Variants in DAB1 observed in about 807,000 individuals in gnomAD.
DAB1 encodes the protein DAB adaptor protein 1.
A neutral mutation model predicts 64.6 loss-of-function variants in DAB1; 15 were observed. The ratio of observed to expected loss-of-function variants is 0.23; its 90% CI spans 0.16 to 0.36. DAB1 has a LOEUF of 0.36. DAB1 is among the 10% of genes least tolerant of loss of function. DAB1 has a pLI of 1.00. For missense variants in DAB1, 596 were observed against 706.7 expected (o/e 0.84, Z 1.78); for synonymous variants, 235 against 251.9 (o/e 0.93, Z 0.64).
intron 6 of DAB1, among the ~76,000 whole-genome samples, chr1:57,733,039 AGTTCT>A (rs1449702947): frequency 2.6e-5 from 4 of 152,294 alleles, no homozygotes; most frequent in Non-Finnish European, 5.9e-5. Flanking sequence ...CTTTCCAACA[AGTTCT>A]AATCTTGTCA....
intron 7 of DAB1, among the ~76,000 whole-genome samples, chr1:57,453,022 G>A (rs1295512464): frequency 6.6e-6 from 1 of 150,800 alleles, no homozygotes; most frequent in Non-Finnish European, 1.5e-5. Context: ...GGGAGGGAAG[G>A]AGAGAAGGAA....
At chr1:58,514,633 T>C (rs17117624) in intron 2 of DAB1, among the ~76,000 whole-genome samples, 1 of 152,124 alleles carries the variant, frequency 6.6e-6, no homozygotes, top group Non-Finnish European at 1.5e-5. Context: ...AGACATGTGA[T>C]AGGTAAAATA....
chr1:58,471,235 C>A (rs2100330308), intron 3 of DAB1, among the ~76,000 whole-genome samples: 1 of 152,272 alleles, frequency 6.6e-6, no homozygotes, highest in East Asian at 1.9e-4. Flanking sequence ...GCCATGATAT[C>A]TTGACACAAC....
intron 2 of DAB1, among the ~76,000 whole-genome samples, chr1:58,523,281 C>T (rs1184066014): frequency 3.9e-5 from 6 of 152,148 alleles, no homozygotes; most frequent in Admixed American, 2.6e-4. Flanking sequence ...TGTGTGGTCA[C>T]GCACAACATC....
intron 6 of DAB1, among the ~76,000 whole-genome samples, chr1:57,739,946 G>A (rs1224066095): frequency 1.3e-5 from 2 of 151,038 alleles, no homozygotes; most frequent in African/African-American, 2.4e-5. Context: ...TGTAATCCTA[G>A]CACCTTGGGA....
intron 6 of DAB1, among the ~76,000 whole-genome samples, chr1:57,743,384 T>C (rs910309488): frequency 3.3e-5 from 5 of 152,218 alleles, no homozygotes; most frequent in Admixed American, 6.5e-5. Context: ...CACCCCTGCC[T>C]GCAAAACATT....
intron 7 of DAB1, among the ~76,000 whole-genome samples, chr1:57,528,637 G>GACAGACAC (rs1553190963): frequency 9.0e-5 from 2 of 22,132 alleles, no homozygotes; most frequent in African/African-American, 1.1e-4. Flanking sequence ...AAAGCAGCAG[G>GACAGACAC]ACACACACAC....
chr1:58,422,083 C>T (rs1466435945), intron 3 of DAB1, among the ~76,000 whole-genome samples: 1 of 151,930 alleles, frequency 6.6e-6, no homozygotes, highest in African/African-American at 2.4e-5. Context: ...GTTAAATAAC[C>T]TTGGCACTAG....
intron 2 of DAB1, among the ~76,000 whole-genome samples, chr1:57,254,826 A>G (rs1228798203): frequency 1.3e-5 from 2 of 152,120 alleles, no homozygotes; most frequent in Non-Finnish European, 2.9e-5. Context: ...CCTCCAATAA[A>G]TAATGTTTCT....
intron 5 of DAB1, among the ~76,000 whole-genome samples, chr1:57,925,135 A>G (rs764939808): frequency 6.6e-6 from 1 of 152,312 alleles, no homozygotes; most frequent in South Asian, 2.1e-4. Context: ...ACTAGCAGTC[A>G]TTCTGTCTCT....
intron 7 of DAB1, among the ~76,000 whole-genome samples, chr1:57,557,417 T>G (rs954164111): frequency 6.6e-6 from 1 of 152,112 alleles, no homozygotes; most frequent in East Asian, 1.9e-4. Flanking sequence ...CTTATATATA[T>G]ATACACACAC....
chr1:58,304,678 G>A (rs1457436657), intron 4 of DAB1, among the ~76,000 whole-genome samples: 1 of 152,128 alleles, frequency 6.6e-6, no homozygotes, highest in Non-Finnish European at 1.5e-5. Context: ...CTGCTCTACA[G>A]AAAAGCTGTA....
At chr1:57,816,776 T>C (rs1241537624) in intron 6 of DAB1, among the ~76,000 whole-genome samples, 1 of 152,216 alleles carries the variant, frequency 6.6e-6, no homozygotes, top group African/African-American at 2.4e-5. Flanking sequence ...ACGTCTGGCC[T>C]ACCACTCTGT....
chr1:57,254,098 A>AC (rs2100531087), intron 2 of DAB1, among the ~76,000 whole-genome samples: 1 of 152,326 alleles, frequency 6.6e-6, no homozygotes, highest in East Asian at 1.9e-4. Flanking sequence ...TGCTGAAGGA[A>AC]CCATGCCACT....
chr1:57,545,644 T>C (rs1334583789), intron 7 of DAB1, among the ~76,000 whole-genome samples: 1 of 152,214 alleles, frequency 6.6e-6, no homozygotes, highest in Non-Finnish European at 1.5e-5. Context: ...ATAAGTCATC[T>C]AGTTACTTTC....
At chr1:57,137,248 A>G (rs1658206660) in intron 3 of DAB1, among the ~76,000 whole-genome samples, 1 of 151,784 alleles carries the variant, frequency 6.6e-6, no homozygotes, top group South Asian at 2.1e-4. Context: ...TCCATTTATC[A>G]AAAAAACTGT....
At chr1:57,740,047 A>T (rs1046637009) in intron 6 of DAB1, among the ~76,000 whole-genome samples, 1 of 41,662 alleles carries the variant, frequency 2.4e-5, no homozygotes, top group Non-Finnish European at 4.2e-5. Flanking sequence ...CTACTACTAC[A>T]AAAAAAAAAA....
intron 6 of DAB1, among the ~76,000 whole-genome samples, chr1:57,687,577 T>C (rs1294211189): frequency 1.4e-5 from 1 of 71,100 alleles, no homozygotes; most frequent in Non-Finnish European, 2.8e-5. Context: ...AAAACCTGAA[T>C]ATCGAAAGTA....
chr1:57,288,590 G>C (rs1383999575), intron 2 of DAB1, among the ~76,000 whole-genome samples: 1 of 152,148 alleles, frequency 6.6e-6, no homozygotes, highest in Admixed American at 6.6e-5. Context: ...AACCAAATTG[G>C]CTGGCACTTT....
Sources: gnomAD v4.1 joint callset for allele counts (sites outside exome capture counted in the v4.1 genomes callset) on GRCh38, gnomAD v4.1.1 for gene constraint, MANE v1.5 for transcripts, NCBI Gene and HGNC (gene_info 2026-07-23, HGNC 2026-07-21) for gene names.